Variants in CDK14 observed in about 807,000 individuals in gnomAD.
CDK14 encodes the protein cyclin-dependent kinase 14.
A neutral mutation model predicts 60.7 loss-of-function variants in CDK14; 34 were observed. The ratio of observed to expected loss-of-function variants is 0.56; its 90% CI spans 0.43 to 0.75. The LOEUF is 0.75. Among genes scored for constraint, CDK14 ranks in the 30% least tolerant of loss-of-function variants. The pLI is 0.00. For synonymous variants in CDK14, 197 were observed against 203.7 expected (o/e 0.97, Z 0.28); for missense variants, 482 against 564.1 (o/e 0.85, Z 1.47).
chr7:90,747,281 C>G (rs570798550), intron 3 of CDK14, among the ~76,000 whole-genome samples: 2 of 152,148 alleles, frequency 1.3e-5, no homozygotes, highest in East Asian at 3.9e-4. Context: ...TTGCCAGCTC[C>G]TAATTTAGAA....
intron 14 of CDK14, among the ~76,000 whole-genome samples, chr7:91,181,214 T>C (rs1474902566): frequency 6.6e-6 from 1 of 152,166 alleles, no homozygotes; most frequent in Non-Finnish European, 1.5e-5. Context: ...CCGTCTCCCT[T>C]TTTCTCTCCC....
chr7:90,974,387 A>T (rs1009245630), intron 9 of CDK14, among the ~76,000 whole-genome samples: 1 of 152,172 alleles, frequency 6.6e-6, no homozygotes, highest in Non-Finnish European at 1.5e-5. Context: ...TGAAGATTAC[A>T]GGATTAAGAG....
At chr7:91,061,647 A>G (rs1189174272) in intron 11 of CDK14, among the ~76,000 whole-genome samples, 1 of 152,056 alleles carries the variant, frequency 6.6e-6, no homozygotes, top group Non-Finnish European at 1.5e-5. Flanking sequence ...AGGTCTGTTG[A>G]GGTTTGCTGG....
intron 8 of CDK14, among the ~76,000 whole-genome samples, chr7:90,947,977 TA>T (rs971006470): frequency 4.6e-5 from 7 of 152,220 alleles, no homozygotes; most frequent in African/African-American, 1.7e-4. Flanking sequence ...TTTCAATAAA[TA>T]TTTTCTCTTT....
intron 14 of CDK14, among the ~76,000 whole-genome samples, chr7:91,140,652 G>A (rs1348574527): frequency 1.3e-5 from 2 of 152,168 alleles, no homozygotes; most frequent in East Asian, 3.9e-4. Context: ...TCTGTGGCCT[G>A]GGCTGAGACT....
chr7:90,952,708 A>G (rs1794297970), intron 8 of CDK14, among the ~76,000 whole-genome samples: 1 of 152,172 alleles, frequency 6.6e-6, no homozygotes, highest in Admixed American at 6.6e-5. Context: ...AAGTTTTGAT[A>G]ATAATCCATG....
intron 10 of CDK14, among the ~76,000 whole-genome samples, chr7:91,006,586 G>C (rs1584223236): frequency 1.3e-5 from 2 of 152,042 alleles, no homozygotes; most frequent in South Asian, 4.1e-4. Flanking sequence ...GTGATTTGTT[G>C]AATTAAAAAG....
At chr7:90,911,822 CATTA>C (rs565187789) in intron 7 of CDK14, among the ~76,000 whole-genome samples, 34 of 151,884 alleles carry the variant, frequency 2.2e-4, no homozygotes, top group South Asian at 6.3e-4. Context: ...GATAAAATAC[CATTA>C]ATTAATTAAT....
Position 91,079,412 on chromosome 7 carries a change from A to AT in CDK14, c.1106-15dup. 6.6e-7 allele frequency: 1 copy of AT among 1,523,100 alleles called. No homozygotes were observed. The highest frequency in any genetic ancestry group is 9.0e-7 in the Non-Finnish European group (1 of 1,110,722). The allele number at this position is 1,523,100 out of a possible 1,614,324, so 94.3% of individuals were successfully genotyped here. ...ACATTTGATACAAAGATTGTTTATC[A>AT]TTTTTCTTTTTTATTTCAGAACGCT... is the stretch of plus-strand genomic sequence containing the variant. On this transcript the variant is annotated intron_variant, in intron 11 of 14. Coordinates refer to ENST00000380050, the MANE Select transcript of CDK14 (RefSeq NM_001287135.2).
At chr7:90,621,567 C>T (rs190619005) in intron 2 of CDK14, among the ~76,000 whole-genome samples, 2 of 152,118 alleles carry the variant, frequency 1.3e-5, no homozygotes, top group East Asian at 3.9e-4. Flanking sequence ...ACAGATAATA[C>T]TTTTGGAGTC....
At chr7:90,678,942 A>G (rs572635658) in intron 2 of CDK14, among the ~76,000 whole-genome samples, 2 of 152,208 alleles carry the variant, frequency 1.3e-5, no homozygotes, top group South Asian at 2.1e-4. Flanking sequence ...GTTGGAAACA[A>G]TTTTGTTTTG....
At chr7:91,085,528 C>A (rs1201858788) in intron 12 of CDK14, among the ~76,000 whole-genome samples, 1 of 152,132 alleles carries the variant, frequency 6.6e-6, no homozygotes, top group Non-Finnish European at 1.5e-5. Flanking sequence ...TCTGTACAGT[C>A]CCTTTTGCTG....
intron 6 of CDK14, among the ~76,000 whole-genome samples, chr7:90,867,713 T>C (rs1479234028): frequency 6.6e-6 from 1 of 152,114 alleles, no homozygotes; most frequent in Non-Finnish European, 1.5e-5. Context: ...AAAGTTTCAG[T>C]CGTAAGTTGC....
chr7:90,598,789 C>T (rs1331699852), intron 1 of CDK14, among the ~76,000 whole-genome samples: 1 of 137,676 alleles, frequency 7.3e-6, no homozygotes, highest in Admixed American at 7.6e-5. Flanking sequence ...ACTGCAAGCT[C>T]CGCCTCCCGG....
intron 2 of CDK14, among the ~76,000 whole-genome samples, chr7:90,721,037 AG>A (rs1275717386): frequency 2.6e-5 from 4 of 152,162 alleles, no homozygotes; most frequent in Non-Finnish European, 5.9e-5. Flanking sequence ...TGGTTCACAT[AG>A]GTTTTCTTTT....
chr7:90,957,305 T>G (rs1794456535), intron 9 of CDK14, among the ~76,000 whole-genome samples: 1 of 152,162 alleles, frequency 6.6e-6, no homozygotes, highest in African/African-American at 2.4e-5. Flanking sequence ...ATGATTGCGA[T>G]TCTAACTGGT....
intron 7 of CDK14, among the ~76,000 whole-genome samples, chr7:90,909,343 T>G (rs1792814609): frequency 6.6e-6 from 1 of 152,128 alleles, no homozygotes; most frequent in Non-Finnish European, 1.5e-5. Context: ...ATCCAACAGC[T>G]TGTCTTTAAC....
intron 11 of CDK14, among the ~76,000 whole-genome samples, chr7:91,062,906 C>T (rs697410): frequency 0.11 from 16,479 of 152,220 alleles, 1,122 homozygotes; most frequent in Non-Finnish European, 0.15. Flanking sequence ...ATGTTCCACA[C>T]CCCTCTAATC....
intron 8 of CDK14, among the ~76,000 whole-genome samples, chr7:90,933,118 T>C (rs937074664): frequency 5.3e-5 from 8 of 152,030 alleles, no homozygotes; most frequent in Non-Finnish European, 1.0e-4. Flanking sequence ...GGCAGGCAGA[T>C]CCCTTGAGCT....
Sources: gnomAD v4.1 joint callset for allele counts (sites outside exome capture counted in the v4.1 genomes callset) on GRCh38, gnomAD v4.1.1 for gene constraint, MANE v1.5 for transcripts, NCBI Gene and HGNC (gene_info 2026-07-23, HGNC 2026-07-21) for gene names.